The following DYNLT2 variants were observed in gnomAD, a reference collection of about 807,000 sequenced individuals.
DYNLT2 encodes the protein dynein light chain Tctex-type 2.
DYNLT2 carries 24 observed loss-of-function variants against 24.3 expected under a neutral mutation model. That is an observed-to-expected ratio of 0.99 (90% CI 0.71 to 1.39). The LOEUF (loss-of-function observed/expected upper bound fraction) is 1.39. Among genes scored for constraint, DYNLT2 ranks in the 40% most tolerant of loss-of-function variants. The probability of loss-of-function intolerance (pLI) is 0.00; values close to 1 mark genes in which losing one functional copy is unlikely to be tolerated. For synonymous variants in DYNLT2, 85 were observed against 85.4 expected, an observed-to-expected ratio of 1.00 and a Z score of 0.03; for missense variants, 246 against 234.5, an observed-to-expected ratio of 1.05 and a Z score of -0.32.
intron 1 of DYNLT2, among the ~76,000 whole-genome samples, chr6:169,744,947 C>A (rs1014995601): frequency 1.3e-5 from 2 of 152,162 alleles, no homozygotes; most frequent in Admixed American, 6.5e-5. Flanking sequence ...CCAGGAATTT[C>A]TTTTTCTTGC....
chr6:169,741,691 T>G (rs1292142229), intron 3 of DYNLT2, among the ~76,000 whole-genome samples: 1 of 152,084 alleles, frequency 6.6e-6, no homozygotes, highest in African/African-American at 2.4e-5. Flanking sequence ...TCTTTGCACT[T>G]GAAGTTTTCT....
chr6:169,726,166 C>T, the DYNLT2 span, among the ~76,000 whole-genome samples: 1 of 152,216 alleles, frequency 6.6e-6, no homozygotes, highest in Admixed American at 6.5e-5. Context: ...CTGATTCAGT[C>T]TTCCAATGTG....
At chr6:169,736,703 C>A (rs1424855120), downstream of DYNLT2, among the ~76,000 whole-genome samples, 1 of 152,280 alleles carries the variant, frequency 6.6e-6, no homozygotes, top group East Asian at 1.9e-4. Context: ...GATGGGCTTC[C>A]CTTTGTATGT....
In DYNLT2 at chr6:169,740,257, G is replaced by C; in HGVS notation, c.525C>G (p.Ser175Arg). The C allele has an allele frequency of 6.2e-7, 1 of 1,614,068 alleles. No homozygotes were observed. Among genetic ancestry groups the C allele is most frequent in the South Asian group, 1.1e-5 (1 of 91,064 alleles). ...CTGCTTCGTGTTTAGCTGCGACCCAGCTGTCCCATGCAATGTCCCAGATCC... is the reference window on the plus strand; with the variant it reads ...CTGCTTCGTGTTTAGCTGCGACCCACCTGTCCCATGCAATGTCCCAGATCC... ...SRWIWDIAWDSWVAAKHEAES... is the reference protein window; with the variant it reads ...SRWIWDIAWDRWVAAKHEAES... Residue 175 changes from serine to arginine, a missense_variant, in exon 4 of 4, where the codon AGC becomes AGG. Transcript: ENST00000366774.
the DYNLT2 span, among the ~76,000 whole-genome samples, chr6:169,733,629 T>C: frequency 6.6e-6 from 1 of 152,242 alleles, no homozygotes; most frequent in Admixed American, 6.5e-5. Context: ...GTCTCTGTTC[T>C]GCTCCATTGG....
At chr6:169,734,515 C>T in the DYNLT2 span, among the ~76,000 whole-genome samples, 4 of 152,146 alleles carry the variant, frequency 2.6e-5, no homozygotes, top group East Asian at 7.7e-4. Flanking sequence ...AGTTTGTCAG[C>T]CCTATCAATC....
downstream of DYNLT2, among the ~76,000 whole-genome samples, chr6:169,736,678 G>T (rs761876568): frequency 6.6e-6 from 1 of 152,182 alleles, no homozygotes; most frequent in African/African-American, 2.4e-5. Context: ...TCTGTGAGAT[G>T]TCGGCTGTTA....
rs766291738 is a variant in DYNLT2, at chr6:169,743,061, G to T, written c.486+19C>A. 5 of 1,502,854 alleles carry T rather than the reference G, an allele frequency of 3.3e-6. No individual in the cohort carries two copies. In the South Asian group the frequency reaches 6.9e-5, roughly 21 times the overall value. The allele number at this position is 1,502,854 out of a possible 1,614,324, so 93.1% of individuals were successfully genotyped here. ...CTTATAGTTCTAATTGCTAGATCCTGTATCAATGGGGTACTTACATTTATT... is the reference window on the plus strand; with the variant it reads ...CTTATAGTTCTAATTGCTAGATCCTTTATCAATGGGGTACTTACATTTATT... On this transcript the variant is annotated intron_variant, in intron 3 of 3. Transcript: ENST00000366774.
At chr6:169,735,177 C>T (rs957687267), downstream of DYNLT2, among the ~76,000 whole-genome samples, 4 of 151,716 alleles carry the variant, frequency 2.6e-5, no homozygotes, top group African/African-American at 4.8e-5. Context: ...ATTCTTCTCT[C>T]TTCTTATTAA....
chr6:169,751,564 G>T lies in DYNLT2; in HGVS notation c.-106C>A. 6.2e-7 allele frequency: 1 copy of T among 1,609,424 alleles called. No individual in the cohort carries two copies. The highest frequency in any genetic ancestry group is 8.5e-7 in the Non-Finnish European group (1 of 1,178,266). On this transcript the variant is annotated 5_prime_UTR_variant, in exon 1 of 4. Transcript: ENST00000366774. ...AAGTCTCCCACCTGCGCCTCGTACG[G>T]TAGGAAGTGCCCGCCAGGGCTCCAA...
At chr6:169,730,808 G>A in the DYNLT2 span, among the ~76,000 whole-genome samples, 4 of 152,218 alleles carry the variant, frequency 2.6e-5, no homozygotes, top group East Asian at 7.7e-4. Flanking sequence ...TGAGGCATGA[G>A]AATGGTGTGA....
chr6:169,744,421 G>T, intron 1 of DYNLT2, 147 bp from the exon 2 acceptor site: 1 of 697,690 alleles, frequency 1.4e-6, no homozygotes, highest in Non-Finnish European at 2.3e-6. Context: ...CTACAATAAT[G>T]TGGTTGCTAA....
the DYNLT2 span, among the ~76,000 whole-genome samples, chr6:169,726,527 A>T: frequency 6.6e-6 from 1 of 152,324 alleles, no homozygotes; most frequent in South Asian, 2.1e-4. Flanking sequence ...GAATGAGATA[A>T]ATGAAGATGG....
chr6:169,737,100 C>T (rs1789577865), downstream of DYNLT2, among the ~76,000 whole-genome samples: 1 of 152,080 alleles, frequency 6.6e-6, no homozygotes, highest in Admixed American at 6.5e-5. Context: ...TCCACTTGGT[C>T]GATTCTGCTG....
chr6:169,744,406 G>A, intron 1 of DYNLT2, 132 bp from the exon 2 acceptor site: 1 of 746,750 alleles, frequency 1.3e-6, no homozygotes, highest in Non-Finnish European at 2.1e-6. Flanking sequence ...TTGTTAAACA[G>A]ATTTCTACAA....
chr6:169,741,739 G>C (rs2128335441), intron 3 of DYNLT2, among the ~76,000 whole-genome samples: 1 of 152,038 alleles, frequency 6.6e-6, no homozygotes, highest in Non-Finnish European at 1.5e-5. Flanking sequence ...GGTACAGCTG[G>C]TTCCTTCTTA....
At chr6:169,743,936 G>T in intron 2 of DYNLT2, 132 bp downstream of exon 2, 1 of 827,384 alleles carries the variant, frequency 1.2e-6, no homozygotes, top group Non-Finnish European at 1.9e-6. Flanking sequence ...CTGCACCAAT[G>T]ACACAATACC....
At chr6:169,744,702 A>G (rs1789755708) in intron 1 of DYNLT2, among the ~76,000 whole-genome samples, 1 of 152,104 alleles carries the variant, frequency 6.6e-6, no homozygotes, top group Non-Finnish European at 1.5e-5. Context: ...ATTTTACTTC[A>G]TTTACTTATT....
the DYNLT2 span, chr6:169,725,569 TC>T: frequency 2.7e-6 from 1 of 374,494 alleles, no homozygotes; most frequent in African/African-American, 2.1e-5. Context: ...CTTGTCTGAA[TC>T]TGCCAAGAAG....
Sources: gnomAD v4.1 joint callset for allele counts (sites outside exome capture counted in the v4.1 genomes callset) on GRCh38, gnomAD v4.1.1 for gene constraint, MANE v1.5 for transcripts, NCBI Gene and HGNC (gene_info 2026-07-23, HGNC 2026-07-21) for gene names.